DIAPH1: variants seen among roughly 807,000 people sequenced by gnomAD.
The protein encoded by DIAPH1 is diaphanous related formin 1.
In DIAPH1, 46 loss-of-function variants were observed where a neutral mutation model predicts 140.7. The observed-to-expected ratio is 0.33, with a 90% confidence interval of 0.26 to 0.42. The LOEUF is 0.42. DIAPH1 is among the 10% of genes least tolerant of loss of function. DIAPH1 has a pLI of 1.00. For missense variants in DIAPH1, 1,310 were observed against 1,558.7 expected, an observed-to-expected ratio of 0.84 and a Z score of 2.69; for synonymous variants, 565 against 551.6, an observed-to-expected ratio of 1.02 and a Z score of -0.34.
intron 1 of DIAPH1, among the ~76,000 whole-genome samples, chr5:141,601,603 T>C (rs1464374167): frequency 6.6e-6 from 1 of 152,206 alleles, no homozygotes; most frequent in African/African-American, 2.4e-5. Flanking sequence ...ATTAGAACCT[T>C]CTTAACAGAT....
chr5:141,557,395 CAT>C (rs1653646662), intron 18 of DIAPH1, among the ~76,000 whole-genome samples: 1 of 152,028 alleles, frequency 6.6e-6, no homozygotes, highest in Admixed American at 6.6e-5. Context: ...GGGTGATGGA[CAT>C]AGGGGTGTTC....
intron 17 of DIAPH1, 103 bp from the exon 18 acceptor site, chr5:141,571,539 T>G (rs992154996): frequency 2.0e-6 from 2 of 1,003,510 alleles, no homozygotes; most frequent in Non-Finnish European, 3.1e-6. Context: ...AGACAGTCAC[T>G]CAGTCACCCA....
chr5:141,580,697 A>G (rs2099896627), intron 8 of DIAPH1, 47 bp downstream of exon 8: 1 of 1,606,422 alleles, frequency 6.2e-7, no homozygotes, highest in African/African-American at 1.3e-5. Context: ...ACTAAGAGAA[A>G]ATGATAAAAT....
At chr5:141,578,734 A>G in intron 9 of DIAPH1, 109 bp from the exon 10 acceptor site, 2 of 852,040 alleles carry the variant, frequency 2.3e-6, no homozygotes, top group African/African-American at 1.7e-5. Context: ...AAGATACAAT[A>G]CAAAAACTCT....
rs139203283 is a variant in DIAPH1, at chr5:141,585,448, G to A, written c.301-1223C>T. The stretch of plus-strand genomic sequence containing the variant: ...TTCATCCATCGAATTTCATGTTGTG[G>A]GAAACTCTACAGGTCAAACAAACGG... On this transcript the variant is annotated intron_variant, in intron 3 of 27. Transcript: ENST00000389054. Among the ~76,000 whole-genome samples, 1,248 of 152,164 alleles carry A rather than the reference G, an allele frequency of 8.2e-3. 14 individuals carry two copies. Among genetic ancestry groups the A allele is most frequent in the Non-Finnish European group, 0.011 (715 of 68,000 alleles).
chr5:141,596,290 A>G (rs186229224), intron 1 of DIAPH1, among the ~76,000 whole-genome samples: 15 of 152,008 alleles, frequency 9.9e-5, no homozygotes, highest in Non-Finnish European at 1.6e-4. Context: ...CCGAGATCGC[A>G]CCACTGCACT....
chr5:141,573,479 C>CAGA lies in DIAPH1; in HGVS notation c.2358+10_2358+12dup. ...AAAGATTGACTGGTGAAGAAATAGA[C>CAGA]AGAAACTCTTACCTTGGACCAGTTT... On this transcript the variant is annotated intron_variant, in intron 16 of 27. Transcript: ENST00000389054. 2 of 1,457,292 alleles carry CAGA rather than the reference C, an allele frequency of 1.4e-6. No homozygotes were observed. The highest frequency in any genetic ancestry group is 1.9e-6 in the Non-Finnish European group (2 of 1,053,090). 90.3% of individuals were successfully genotyped at this position (1,457,292 alleles called of 1,614,324 possible).
intron 19 of DIAPH1, among the ~76,000 whole-genome samples, chr5:141,532,876 A>G (rs1224859695): frequency 6.6e-6 from 1 of 152,232 alleles, no homozygotes; most frequent in Non-Finnish European, 1.5e-5. Context: ...TCATTTTTTA[A>G]ACCAATTACT....
At chr5:141,571,001 T>C (rs1213999559) in intron 18 of DIAPH1, among the ~76,000 whole-genome samples, 3 of 152,054 alleles carry the variant, frequency 2.0e-5, no homozygotes, top group Non-Finnish European at 4.4e-5. Context: ...TCACATAACC[T>C]TGGGAAAGCT....
chr5:141,540,987 G>C (rs1261781339), intron 18 of DIAPH1, among the ~76,000 whole-genome samples: 3 of 152,126 alleles, frequency 2.0e-5, no homozygotes, highest in Non-Finnish European at 2.9e-5. Flanking sequence ...TTGAGCCCGG[G>C]AGGGGGAAGT....
At chr5:141,578,468 G>A (rs1326714034) in intron 10 of DIAPH1, 47 bp downstream of exon 10, 5 of 1,555,532 alleles carry the variant, frequency 3.2e-6, no homozygotes, top group Non-Finnish European at 4.4e-6. Context: ...GGGCTGTAGA[G>A]CAAGAAGGAA....
chr5:141,586,018 C>T (rs368889801), intron 3 of DIAPH1, among the ~76,000 whole-genome samples: 1 of 152,138 alleles, frequency 6.6e-6, no homozygotes, highest in African/African-American at 2.4e-5. Flanking sequence ...CAAGTATTCC[C>T]AACTGGAATG....
intron 1 of DIAPH1, among the ~76,000 whole-genome samples, chr5:141,612,502 G>T (rs897995802): frequency 6.6e-6 from 1 of 152,318 alleles, no homozygotes. Context: ...ATATATGAAA[G>T]ACCACACATC....
intron 18 of DIAPH1, among the ~76,000 whole-genome samples, chr5:141,547,925 A>C (rs1421361536): frequency 3.9e-5 from 6 of 152,200 alleles, no homozygotes; most frequent in African/African-American, 1.4e-4. Context: ...GGGTGTGGTG[A>C]TCCAGATGAT....
chr5:141,544,536 C>T (rs749119315), intron 18 of DIAPH1, among the ~76,000 whole-genome samples: 20 of 152,050 alleles, frequency 1.3e-4, no homozygotes, highest in Admixed American at 3.3e-4. Flanking sequence ...GAAAACAACC[C>T]AATTTTAAAA....
In DIAPH1 at chr5:141,574,052, G is replaced by C; in HGVS notation, c.1798C>G (p.Pro600Ala). 1.2e-6 allele frequency: 2 copies of C among 1,601,156 alleles called. No homozygotes were observed. Among genetic ancestry groups the C allele is most frequent in the Non-Finnish European group, 1.7e-6 (2 of 1,173,622 alleles). ...GGAGTGGTACTATCCCCAGGAGCAG[G>C]TGGTGGTGGAATAATAGTGCCAGAG... is the stretch of plus-strand genomic sequence containing the variant. ...GDSGTIIPPP[P>A]APGDSTTPPP... The change falls in exon 16 of 28, where the codon CCT (proline) becomes GCT (alanine). Residue 600 changes from proline (P) to alanine (A), a missense_variant. By Grantham distance (27) the Pro-to-Ala change is conservative. This residue lies in a region of DIAPH1 where 589 missense variants were observed against 549.3 expected (regional missense o/e 1.07). Transcript: ENST00000389054.
At chr5:141,615,575 A>G (rs374627181) in intron 1 of DIAPH1, among the ~76,000 whole-genome samples, 20 of 152,030 alleles carry the variant, frequency 1.3e-4, no homozygotes, top group African/African-American at 4.8e-4. Context: ...CCCCGTCTCT[A>G]CTAAAAATAC....
chr5:141,539,614 G>A (rs2099889649), intron 18 of DIAPH1, among the ~76,000 whole-genome samples: 1 of 151,892 alleles, frequency 6.6e-6, no homozygotes, highest in Admixed American at 6.6e-5. Flanking sequence ...CTCCTCACAT[G>A]TTACAGATCT....
chr5:141,573,631 G>A lies in DIAPH1; in HGVS notation c.2219C>T (p.Pro740Leu), dbSNP rs2154596273. 1.2e-6 allele frequency: 2 copies of A among 1,613,756 alleles called. No individual in the cohort carries two copies. Among genetic ancestry groups the A allele is most frequent in the Non-Finnish European group, 1.7e-6 (2 of 1,179,876 alleles). Residue 740 changes from proline to leucine, a missense_variant, in exon 16 of 28, where the codon CCA becomes CTA. Pro to Leu is a moderately conservative substitution (Grantham distance 98). Transcript: ENST00000389054. ...AGGCATACCCATTCCGGGTGGAGGT[G>A]GAGGAATGCCAGGGCCTCCGGGAAA... Reference protein sequence around the residue: ...PPFPGGPGIPPPPPGMGMPPP... With the variant: ...PPFPGGPGIPLPPPGMGMPPP...
Sources: allele counts gnomAD v4.1 joint callset (sites outside exome capture counted in the v4.1 genomes callset), GRCh38; gene constraint gnomAD v4.1.1; regional missense constraint gnomAD v4.1.1; transcripts MANE v1.5; gene names NCBI Gene and HGNC (gene_info 2026-07-23, HGNC 2026-07-21).